UNC79: variants seen among roughly 807,000 people sequenced by gnomAD.
UNC79 encodes protein unc-79 homolog.
UNC79 carries 37 observed loss-of-function variants against 283.1 expected under a neutral mutation model. The observed-to-expected ratio is 0.13, with a 90% confidence interval of 0.10 to 0.17. The LOEUF (loss-of-function observed/expected upper bound fraction) is 0.17. Among genes scored for constraint, UNC79 ranks in the 10% least tolerant of loss-of-function variants. UNC79 has a pLI of 1.00. For synonymous variants in UNC79, 1,107 were observed against 1,200.2 expected, an observed-to-expected ratio of 0.92 and a Z score of 1.61; for missense variants, 2,272 against 3,211.1, an observed-to-expected ratio of 0.71 and a Z score of 7.07.
intron 1 of UNC79, among the ~76,000 whole-genome samples, chr14:93,401,493 T>C (rs1315875111): frequency 1.3e-5 from 2 of 152,202 alleles, no homozygotes; most frequent in Non-Finnish European, 2.9e-5. Context: ...CACAAGCCTC[T>C]GGACTCCAGG....
At chr14:93,333,188 T>G (rs1030081734), upstream of UNC79, 3 of 401,280 alleles carry the variant, frequency 7.5e-6, no homozygotes, top group Admixed American at 4.4e-5. Flanking sequence ...GTGCGTTCGC[T>G]GGATCCATGG....
chr14:93,409,011 A>G (rs2055283237), intron 1 of UNC79, among the ~76,000 whole-genome samples: 1 of 152,244 alleles, frequency 6.6e-6, no homozygotes, highest in Non-Finnish European at 1.5e-5. Context: ...TGTCAATAAA[A>G]TTAGGAATAA....
chr14:93,616,117 C>T (rs2139829803), intron 27 of UNC79, among the ~76,000 whole-genome samples: 1 of 152,034 alleles, frequency 6.6e-6, no homozygotes, highest in East Asian at 1.9e-4. Flanking sequence ...AAGTTTATAT[C>T]ATGTAAATAA....
At chr14:93,635,716 G>A (rs1009597532) in intron 31 of UNC79, among the ~76,000 whole-genome samples, 1 of 152,090 alleles carries the variant, frequency 6.6e-6, no homozygotes, top group Non-Finnish European at 1.5e-5. Flanking sequence ...AACTCTCCTG[G>A]ACTTTATAAG....
chr14:93,651,912 ATTTTTTTTTTTT>A (rs71129653), intron 35 of UNC79, among the ~76,000 whole-genome samples: 15 of 46,602 alleles, frequency 3.2e-4, no homozygotes, highest in South Asian at 1.8e-3. Context: ...CTAATTTTGT[ATTTTTTTTTTTT>A]TTTTTTTTTT....
intron 5 of UNC79, among the ~76,000 whole-genome samples, chr14:93,491,552 A>G (rs947750217): frequency 1.2e-4 from 18 of 152,240 alleles, no homozygotes; most frequent in Admixed American, 3.9e-4. Context: ...AGTGAACTTG[A>G]GCAAGTTTTT....
At chr14:93,383,886 CA>C (rs1430313757) in intron 1 of UNC79, among the ~76,000 whole-genome samples, 1 of 120,782 alleles carries the variant, frequency 8.3e-6, no homozygotes, top group African/African-American at 3.3e-5. Flanking sequence ...CTGATGGTTT[CA>C]AAAAACATGA....
chr14:93,540,435 T>C (rs2061321336), intron 12 of UNC79, among the ~76,000 whole-genome samples: 1 of 152,138 alleles, frequency 6.6e-6, no homozygotes, highest in African/African-American at 2.4e-5. Flanking sequence ...CTCAGTTTGT[T>C]CATCTTTGAA....
intron 14 of UNC79, among the ~76,000 whole-genome samples, chr14:93,551,483 G>T (rs2061896945): frequency 6.6e-6 from 1 of 152,106 alleles, no homozygotes; most frequent in South Asian, 2.1e-4. Context: ...TTGAGTTATG[G>T]GTCACCTGCT....
At chr14:93,581,204 T>TAGGGTCTTGCTCTGTCACCCTC (rs2063776621) in intron 19 of UNC79, among the ~76,000 whole-genome samples, 1 of 151,974 alleles carries the variant, frequency 6.6e-6, no homozygotes, top group Non-Finnish European at 1.5e-5. Context: ...TTTTTAGAGA[T>TAGGGTCTTGCTCTGTCACCCTC]AGGGTCTTGC....
chr14:93,586,134 G>A (rs1426291027), intron 20 of UNC79, among the ~76,000 whole-genome samples: 1 of 152,120 alleles, frequency 6.6e-6, no homozygotes, highest in South Asian at 2.1e-4. Context: ...ACCCGCCTTG[G>A]CCTCCCAAAG....
chr14:93,587,029 T>G, intron 22 of UNC79, 121 bp downstream of exon 22: 1 of 1,185,520 alleles, frequency 8.4e-7, no homozygotes, highest in South Asian at 1.9e-5. Flanking sequence ...ACAGCTCGAT[T>G]GCCTATGATA....
intron 11 of UNC79, among the ~76,000 whole-genome samples, chr14:93,536,005 C>G (rs1261238335): frequency 6.6e-6 from 1 of 152,164 alleles, no homozygotes; most frequent in African/African-American, 2.4e-5. Flanking sequence ...AAGATCTTCT[C>G]ATCAAAATCA....
chr14:93,351,496 G>C (rs2053979508), intron 1 of UNC79, among the ~76,000 whole-genome samples: 1 of 152,158 alleles, frequency 6.6e-6, no homozygotes, highest in African/African-American at 2.4e-5. Flanking sequence ...GAATTCCTGT[G>C]ATGTGCCAGG....
exon 15 of UNC79, chr14:93,571,926 A>G (rs1220937616): frequency 1.2e-6 from 2 of 1,613,960 alleles, no homozygotes; most frequent in South Asian, 1.1e-5. Context: ...CCTGTAGCAC[A>G]GTGACTCAGC....
At chr14:93,650,753 G>C (rs957330581) in intron 35 of UNC79, among the ~76,000 whole-genome samples, 2 of 152,068 alleles carry the variant, frequency 1.3e-5, no homozygotes, top group African/African-American at 4.8e-5. Context: ...TCTTTTCTTA[G>C]TGGTATCTTT....
chr14:93,440,782 G>A (rs1235709792), intron 1 of UNC79, among the ~76,000 whole-genome samples: 1 of 151,924 alleles, frequency 6.6e-6, no homozygotes, highest in Admixed American at 6.6e-5. Flanking sequence ...TTGCCTTATG[G>A]TCTGAGGATA....
chr14:93,641,275 C>A, intron 33 of UNC79, 28 bp downstream of exon 36: 1 of 1,591,622 alleles, frequency 6.3e-7, no homozygotes, highest in Non-Finnish European at 8.6e-7. Flanking sequence ...TTTTCTTCAC[C>A]ATGTTTACAG....
chr14:93,607,280 G>A (rs2065952937), intron 26 of UNC79, among the ~76,000 whole-genome samples: 1 of 152,190 alleles, frequency 6.6e-6, no homozygotes, highest in African/African-American at 2.4e-5. Flanking sequence ...ATTATATCAT[G>A]TTCCTCATCG....
Sources: allele counts gnomAD v4.1 joint callset (sites outside exome capture counted in the v4.1 genomes callset), GRCh38; gene constraint gnomAD v4.1.1; transcripts MANE v1.5; gene names NCBI Gene and HGNC (gene_info 2026-07-23, HGNC 2026-07-21).